MTOR: variants seen among roughly 807,000 people sequenced by gnomAD.
The protein encoded by MTOR is serine/threonine-protein kinase mTOR.
In MTOR, 70 loss-of-function variants were observed where a neutral mutation model predicts 319.8. That is an observed-to-expected ratio of 0.22 (90% CI 0.18 to 0.27). MTOR has a LOEUF of 0.27. Among genes scored for constraint, MTOR ranks in the 10% least tolerant of loss-of-function variants. The pLI is 1.00. For synonymous variants in MTOR, 1,183 were observed against 1,211.4 expected (o/e 0.98, Z 0.49); for missense variants, 1,890 against 3,274.4 (o/e 0.58, Z 10.32).
In MTOR at chr1:11,128,260, T is replaced by G; in HGVS notation, c.5911-134A>C. 7.2e-7 allele frequency: 1 copy of G among 1,383,250 alleles called. No individual in the cohort carries two copies. Among genetic ancestry groups the G allele is most frequent in the East Asian group, 2.3e-5 (1 of 43,232 alleles). The allele number at this position is 1,383,250 out of a possible 1,614,324, so 85.7% of individuals were successfully genotyped here. On this transcript the variant is annotated intron_variant, in intron 42 of 57. Coordinates refer to ENST00000361445, the MANE Select transcript of MTOR (RefSeq NM_004958.4). This position sits in a 1 kb window ranked among gnomAD's most constrained non-coding sequence, Gnocchi z 5.3. Reference sequence around the variant, plus strand: ...CTGCTTGAGACTACCAGGAAGGGGCTCAGTCTTCGAGGGAACGCTTTCTTT... The same window carrying G: ...CTGCTTGAGACTACCAGGAAGGGGCGCAGTCTTCGAGGGAACGCTTTCTTT...
intron 49 of MTOR, among the ~76,000 whole-genome samples, chr1:11,117,659 A>G (rs1162212730): frequency 6.6e-6 from 1 of 152,224 alleles, no homozygotes; most frequent in Non-Finnish European, 1.5e-5. Context: ...AACAGCCTCA[A>G]GAAAAAAAAT....
Position 11,212,724 on chromosome 1 carries a change from A to T in MTOR, c.3398+72T>A. 1 of 1,326,230 alleles carries T rather than the reference A, an allele frequency of 7.5e-7. No homozygotes were observed. Among genetic ancestry groups the T allele is most frequent in the Non-Finnish European group, 1.1e-6 (1 of 931,100 alleles). 82.2% of individuals were successfully genotyped at this position (1,326,230 alleles called of 1,614,324 possible). On this transcript the variant is annotated intron_variant, in intron 22 of 57. Transcript: ENST00000361445. The surrounding 1 kb of genome is among the most constrained non-coding windows in gnomAD (Gnocchi z 4.1). ...AAAAAAATAGAAAGATGGCCTGGGAACTTAAGAAATGAACATTTTCAACAA... is the reference window on the plus strand; with the variant it reads ...AAAAAAATAGAAAGATGGCCTGGGATCTTAAGAAATGAACATTTTCAACAA...
chr1:11,215,598 G>T (rs992800164), intron 20 of MTOR, among the ~76,000 whole-genome samples: 5 of 152,148 alleles, frequency 3.3e-5, no homozygotes, highest in Non-Finnish European at 5.9e-5. Context: ...AAATGATATT[G>T]CCCATGGGGT....
In MTOR at chr1:11,119,460, A is replaced by G. The variant is rs926065132; in HGVS notation, c.6933+1786T>C. Among the ~76,000 whole-genome samples the G allele has an allele frequency of 2.0e-5, 3 of 151,006 alleles. No individual in the cohort carries two copies. In the Admixed American group the frequency reaches 2.0e-4, roughly 10 times the overall value. ...GAGGCGGGTGCCTGTAGTCCCAACTACTTGGGAGGCTGAGGCAGAAGAATG... is the reference window on the plus strand; with the variant it reads ...GAGGCGGGTGCCTGTAGTCCCAACTGCTTGGGAGGCTGAGGCAGAAGAATG... On this transcript the variant is annotated intron_variant, in intron 49 of 57. Transcript: ENST00000361445.
intron 19 of MTOR, among the ~76,000 whole-genome samples, chr1:11,225,799 T>C (rs1195294971): frequency 6.6e-6 from 1 of 152,050 alleles, no homozygotes; most frequent in Non-Finnish European, 1.5e-5. Flanking sequence ...TTCTGGGGCA[T>C]AAAAAAAGAT....
At position 11,241,664 on chromosome 1, in the gene MTOR, T is replaced by A; in HGVS notation, c.1430A>T (p.Gln477Leu). 6.2e-7 allele frequency: 1 copy of A among 1,613,278 alleles called. No homozygotes were observed. The highest frequency in any genetic ancestry group is 2.2e-5 in the East Asian group (1 of 44,832). Residue 477 changes from glutamine to leucine, a missense_variant, in exon 10 of 58, where the codon CAG becomes CTG. Gln to Leu is a moderately radical substitution (Grantham distance 113). Coordinates refer to ENST00000361445, the MANE Select transcript of MTOR (RefSeq NM_004958.4). ...DFAHKRQKAM[Q>L]VDATVFTCIS... The stretch of plus-strand genomic sequence containing the variant: ...GCAAGTGAAGACTGTGGCATCCACC[T>A]GCATTGCCTTCTGCCTCCTGTAGAG...
chr1:11,210,572 A>G (rs1301689114), intron 24 of MTOR, among the ~76,000 whole-genome samples: 1 of 152,244 alleles, frequency 6.6e-6, no homozygotes, highest in Non-Finnish European at 1.5e-5. Context: ...GTGTCCATAA[A>G]TAAAGTTTTA....
intron 28 of MTOR, chr1:11,193,779 G>C: frequency 3.7e-6 from 6 of 1,613,998 alleles, no homozygotes; most frequent in Non-Finnish European, 5.1e-6. Flanking sequence ...ATGGAGGTAA[G>C]CACAAGGCCA....
At chr1:11,108,695 A>G (rs1419267345) in intron 56 of MTOR, among the ~76,000 whole-genome samples, 3 of 146,986 alleles carry the variant, frequency 2.0e-5, no homozygotes, top group Non-Finnish European at 3.0e-5. Flanking sequence ...CCTGGGTGAC[A>G]GAGCAAGACC....
rs755987187 is a variant in MTOR, at chr1:11,133,109, C to T, written c.5335G>A (p.Ala1779Thr). ...TACCAGCTGCGGTCGTGCTCTGTGG[C>T]GGCGCTGTAGTACTGCAGCACTTTG... ...IPKVLQYYSA[A>T]TEHDRSWYKA... Residue 1779 changes from alanine to threonine, a missense_variant, in exon 38 of 58, where the codon GCC becomes ACC. By Grantham distance (58) the Ala-to-Thr change is moderately conservative. Coordinates refer to ENST00000361445, the MANE Select transcript of MTOR (RefSeq NM_004958.4). The surrounding 1 kb of genome is among the most constrained non-coding windows in gnomAD (Gnocchi z 4.0). The T allele has an allele frequency of 6.2e-6, 10 of 1,614,088 alleles. No individual in the cohort carries two copies. Among genetic ancestry groups the T allele is most frequent in the Middle Eastern group, 1.7e-4 (1 of 6,056 alleles).
At chr1:11,120,590 GATCCTCCTGCCTTGGCCTCT>G in intron 49 of MTOR, among the ~76,000 whole-genome samples, 4 of 151,578 alleles carry the variant, frequency 2.6e-5, no homozygotes, top group Admixed American at 2.0e-4. Flanking sequence ...GGGCTCAAGT[GATCCTCCTGCCTTGGCCTCT>G]CAAAGTGCTG....
intron 8 of MTOR, among the ~76,000 whole-genome samples, chr1:11,246,474 T>C (rs1648838607): frequency 6.6e-6 from 1 of 152,210 alleles, no homozygotes; most frequent in African/African-American, 2.4e-5. Context: ...ACGGGTGATT[T>C]TCCTTCTGTT....
At chr1:11,232,894 A>AT (rs568297202) in intron 15 of MTOR, 7 of 573,188 alleles carry the variant, frequency 1.2e-5, no homozygotes, top group East Asian at 3.0e-5. Context: ...AAAATAAAAA[A>AT]TTTTTTTTAA....
At chr1:11,195,150 A>C in intron 28 of MTOR, 3 of 1,056,662 alleles carry the variant, frequency 2.8e-6, no homozygotes, top group Non-Finnish European at 4.0e-6. Context: ...CTCCAAAGAA[A>C]GAATAAGTCT....
At chr1:11,123,602 G>A (rs1481349025) in intron 47 of MTOR, among the ~76,000 whole-genome samples, 1 of 151,984 alleles carries the variant, frequency 6.6e-6, no homozygotes. Flanking sequence ...CCAAGGAGCT[G>A]GGACAACAGG....
chr1:11,245,720 T>C (rs1188290551), intron 8 of MTOR, among the ~76,000 whole-genome samples: 1 of 152,144 alleles, frequency 6.6e-6, no homozygotes, highest in African/African-American at 2.4e-5. Flanking sequence ...GGCAACACAG[T>C]GAGATCCCAA....
intron 25 of MTOR, among the ~76,000 whole-genome samples, chr1:11,208,450 G>A (rs778106786): frequency 1.3e-5 from 2 of 152,276 alleles, no homozygotes; most frequent in Non-Finnish European, 2.9e-5. Flanking sequence ...TTTTCCAAAA[G>A]AAGTGAACGA....
At chr1:11,202,794 G>A (rs540648604) in intron 26 of MTOR, among the ~76,000 whole-genome samples, 12 of 152,210 alleles carry the variant, frequency 7.9e-5, no homozygotes, top group African/African-American at 2.9e-4. Context: ...TGCAGTCCCA[G>A]CTACTCAGGA....
intron 32 of MTOR, 91 bp downstream of exon 32, chr1:11,146,585 A>G: frequency 2.1e-6 from 2 of 933,368 alleles, no homozygotes; most frequent in Non-Finnish European, 3.5e-6. Flanking sequence ...TCAGACCTGA[A>G]GTACAACAGC....
Sources: allele counts gnomAD v4.1 joint callset (sites outside exome capture counted in the v4.1 genomes callset), GRCh38; gene constraint gnomAD v4.1.1; non-coding constraint Gnocchi (gnomAD v3.1); transcripts MANE v1.5; gene names NCBI Gene and HGNC (gene_info 2026-07-23, HGNC 2026-07-21).